Variants in SV2B observed in about 807,000 individuals in gnomAD.
The protein encoded by SV2B is solute carrier family 22 member B2.
A neutral mutation model predicts 73.9 loss-of-function variants in SV2B; 41 were observed. The ratio of observed to expected loss-of-function variants is 0.56; its 90% CI spans 0.43 to 0.72. SV2B has a LOEUF of 0.72. Ranked by LOEUF, SV2B falls within the 30% of genes least tolerant of loss-of-function variation. The pLI, the probability that SV2B is intolerant of heterozygous loss-of-function variation, is 0.00. For synonymous variants in SV2B, 314 were observed against 314.2 expected (o/e 1.00, Z 0.01); for missense variants, 764 against 857.8 (o/e 0.89, Z 1.37).
intron 2 of SV2B, among the ~76,000 whole-genome samples, chr15:91,246,684 T>C (rs1469541807): frequency 3.3e-5 from 5 of 151,792 alleles, no homozygotes; most frequent in African/African-American, 9.7e-5. Flanking sequence ...AAAAGTCTTT[T>C]CCACTCCACC....
intron 1 of SV2B, among the ~76,000 whole-genome samples, chr15:91,138,854 T>C (rs2042920587): frequency 6.6e-6 from 1 of 152,184 alleles, no homozygotes; most frequent in South Asian, 2.1e-4. Context: ...ACAAACTATC[T>C]GGTTTCATCC....
At chr15:91,188,834 A>C (rs961432272) in intron 1 of SV2B, among the ~76,000 whole-genome samples, 1 of 151,426 alleles carries the variant, frequency 6.6e-6, no homozygotes, top group East Asian at 1.9e-4. Context: ...TTATTAATTT[A>C]TTTATTTTTG....
Position 91,141,270 on chromosome 15 carries a change from G to C in SV2B, c.-392+40907G>C, listed in dbSNP as rs2042988353. 6.6e-6 allele frequency among the ~76,000 whole-genome samples: 1 copy of C among 152,220 alleles called. No individual in the cohort carries two copies. ...GCTTGAGTTGGGAACTGCCGATGCT[G>C]AGTTAGAGCTATTCTAGCAAGGGCG... On this transcript the variant is annotated intron_variant, in intron 1 of 12. Transcript: ENST00000394232. This position sits in a 1 kb window ranked among gnomAD's most constrained non-coding sequence, Gnocchi z 4.6.
At chr15:91,154,927 A>G (rs570793658) in intron 1 of SV2B, among the ~76,000 whole-genome samples, 1 of 152,316 alleles carries the variant, frequency 6.6e-6, no homozygotes, top group Admixed American at 6.5e-5. Context: ...GCCTGTGAGC[A>G]GGATGACTGA....
rs2041874978 is a variant in SV2B at position 91,106,094 on chromosome 15, A to G, written c.-392+5731A>G. On this transcript the variant is annotated intron_variant, in intron 1 of 12. Coordinates refer to ENST00000394232, the MANE Select transcript of SV2B (RefSeq NM_001323032.3). This position sits in a 1 kb window ranked among gnomAD's most constrained non-coding sequence, Gnocchi z 4.4. ...AAGATGGTGAGAAGTGGCTAAATTC[A>G]TAAAGCAGGCAGGATGTGTGGATGA... Among the ~76,000 whole-genome samples the G allele has an allele frequency of 1.3e-5, 2 of 152,200 alleles. No homozygotes were observed. The highest frequency in any genetic ancestry group is 1.9e-4 in the East Asian group (1 of 5,198).
At chr15:91,206,374 C>T (rs1269521345) in intron 1 of SV2B, among the ~76,000 whole-genome samples, 1 of 152,052 alleles carries the variant, frequency 6.6e-6, no homozygotes. Context: ...GGAAGCTCCC[C>T]CTTCCAGCAG....
chr15:91,298,935 C>T lies in SV2B; in HGVS notation c.*6383C>T, dbSNP rs1596829009. 6.6e-6 allele frequency: 1 copy of T among 152,246 alleles called. No homozygotes were observed. Among genetic ancestry groups the T allele is most frequent in the African/African-American group, 2.4e-5 (1 of 41,548 alleles). The allele number at this position is 152,246 out of a possible 1,614,324, so 9.4% of individuals were successfully genotyped here. ...TATAATCTCAGTAATTCAGATTTCT[C>T]TAAATCAGCATTAGTGATCATTTCA... is the stretch of plus-strand genomic sequence containing the variant. On this transcript the variant is annotated 3_prime_UTR_variant, in exon 13 of 13. Coordinates refer to ENST00000394232, the MANE Select transcript of SV2B (RefSeq NM_001323032.3). The surrounding 1 kb of genome is among the most constrained non-coding windows in gnomAD (Gnocchi z 5.4).
At position 91,129,973 on chromosome 15, in the gene SV2B, A is replaced by C. The variant is rs2042593003; in HGVS notation, c.-392+29610A>C. ...AGGCTCAGCAAAGGGAGGTGATATT[A>C]ACAACCATTCCAAGGAGATGGCCGT... On this transcript the variant is annotated intron_variant, in intron 1 of 12. Coordinates refer to ENST00000394232, the MANE Select transcript of SV2B (RefSeq NM_001323032.3). This position sits in a 1 kb window ranked among gnomAD's most constrained non-coding sequence, Gnocchi z 5.1. 6.6e-6 allele frequency among the ~76,000 whole-genome samples: 1 copy of C among 152,200 alleles called. No individual in the cohort carries two copies. Among genetic ancestry groups the C allele is most frequent in the Admixed American group, 6.5e-5 (1 of 15,280 alleles).
intron 1 of SV2B, among the ~76,000 whole-genome samples, chr15:91,168,142 T>C (rs968992106): frequency 2.0e-5 from 3 of 152,090 alleles, no homozygotes; most frequent in African/African-American, 7.2e-5. Flanking sequence ...ATTTAGAAGG[T>C]AGTTTTTGCC....
intron 1 of SV2B, among the ~76,000 whole-genome samples, chr15:91,158,633 C>CCTTTTCTCTTCTCTTCTCTT (rs767357230): frequency 0.012 from 640 of 54,394 alleles, 148 homozygotes; most frequent in Middle Eastern, 0.042. Flanking sequence ...TTTTATTTTC[C>CCTTTTCTCTTCTCTTCTCTT]CTCTTCTCTT....
chr15:91,129,997 G>A lies in SV2B; in HGVS notation c.-392+29634G>A, dbSNP rs913046326. 9.8e-5 allele frequency among the ~76,000 whole-genome samples: 15 copies of A among 152,308 alleles called. No individual in the cohort carries two copies. Among genetic ancestry groups the A allele is most frequent in the Non-Finnish European group, 2.1e-4 (14 of 68,026 alleles). The stretch of plus-strand genomic sequence containing the variant: ...TAACAACCATTCCAAGGAGATGGCC[G>A]TCAACGCTAGGGGTGGATAAATTGG... On this transcript the variant is annotated intron_variant, in intron 1 of 12. Transcript: ENST00000394232. The surrounding 1 kb of genome is among the most constrained non-coding windows in gnomAD (Gnocchi z 5.1).
In SV2B at chr15:91,284,167, G is replaced by A. The variant is rs528710169; in HGVS notation, c.1654G>A (p.Gly552Arg). The A allele has an allele frequency of 6.2e-7, 1 of 1,614,122 alleles. No individual in the cohort carries two copies. The highest frequency in any genetic ancestry group is 8.5e-7 in the Non-Finnish European group (1 of 1,180,020). ...CCTGGGCAGCCTGTCTGTCTTACCC[G>A]GGAACATCATTTCTGCCCTGCTCAT... ...SFLGSLSVLP[G>R]NIISALLMDR... Residue 552 changes from glycine (G) to arginine (R), a missense_variant, in exon 11 of 13, where the codon GGG becomes AGG. Coordinates refer to ENST00000394232, the MANE Select transcript of SV2B (RefSeq NM_001323032.3). This position sits in a 1 kb window ranked among gnomAD's most constrained non-coding sequence, Gnocchi z 4.5.
intron 1 of SV2B, among the ~76,000 whole-genome samples, chr15:91,163,069 C>CTTT (rs1490953788): frequency 6.6e-6 from 1 of 152,156 alleles, no homozygotes; most frequent in Non-Finnish European, 1.5e-5. Flanking sequence ...CAGCTTCATC[C>CTTT]GTGTCCCTAC....
chr15:91,107,060 G>A (rs2041902540), intron 1 of SV2B, among the ~76,000 whole-genome samples: 1 of 152,132 alleles, frequency 6.6e-6, no homozygotes, highest in African/African-American at 2.4e-5. Context: ...AGCAGGTACT[G>A]CTGTTGAAAG....
chr15:91,249,847 A>T (rs2047412190), intron 2 of SV2B, among the ~76,000 whole-genome samples: 1 of 152,224 alleles, frequency 6.6e-6, no homozygotes, highest in Admixed American at 6.5e-5. Flanking sequence ...ACCATTAATG[A>T]CTAAAGAGAT....
chr15:91,162,738 G>T (rs1285482780), intron 1 of SV2B, among the ~76,000 whole-genome samples: 1 of 152,168 alleles, frequency 6.6e-6, no homozygotes, highest in Non-Finnish European at 1.5e-5. Flanking sequence ...CTGTTTCATT[G>T]CTGGTTGTCA....
rs1202411211 is a variant in SV2B, at chr15:91,298,120, T to G, written c.*5568T>G. ...CAGTCCACCTGAACGTGCCTGGAAA[T>G]GTCTCCCGAAAAGGATGAAAAGCCT... On this transcript the variant is annotated 3_prime_UTR_variant, in exon 13 of 13. Coordinates refer to ENST00000394232, the MANE Select transcript of SV2B (RefSeq NM_001323032.3). The surrounding 1 kb of genome is among the most constrained non-coding windows in gnomAD (Gnocchi z 5.4). The G allele has an allele frequency of 6.6e-6, 1 of 152,202 alleles. No individual in the cohort carries two copies. Among genetic ancestry groups the G allele is most frequent in the African/African-American group, 2.4e-5 (1 of 41,442 alleles). The allele number at this position is 152,202 out of a possible 1,614,324, so 9.4% of individuals were successfully genotyped here.
rs1452478738 is a variant in SV2B, at chr15:91,234,203, C to T, written c.451+7489C>T. Among the ~76,000 whole-genome samples, 1 of 152,134 alleles carries T rather than the reference C, an allele frequency of 6.6e-6. No individual in the cohort carries two copies. The highest frequency in any genetic ancestry group is 2.4e-5 in the African/African-American group (1 of 41,418). Reference sequence around the variant, plus strand: ...GCCTAGGAATATTTGCATGTTAGAGCGGATTTTTCATTTCAGACTTACTCA... The same window carrying T: ...GCCTAGGAATATTTGCATGTTAGAGTGGATTTTTCATTTCAGACTTACTCA... On this transcript the variant is annotated intron_variant, in intron 2 of 12. Coordinates refer to ENST00000394232, the MANE Select transcript of SV2B (RefSeq NM_001323032.3). The surrounding 1 kb of genome is among the most constrained non-coding windows in gnomAD (Gnocchi z 5.6).
chr15:91,193,968 T>A lies in SV2B; in HGVS notation c.-391-31905T>A, dbSNP rs371297637. ...GTGGAAATTGCAAACCTGTTTCTGT[T>A]TGCTAGGTAATCACCAGGGTATAGA... On this transcript the variant is annotated intron_variant, in intron 1 of 12. Coordinates refer to ENST00000394232, the MANE Select transcript of SV2B (RefSeq NM_001323032.3). Among the ~76,000 whole-genome samples the A allele has an allele frequency of 7.9e-5, 12 of 152,274 alleles. No homozygotes were observed. In the East Asian group the frequency reaches 1.7e-3, roughly 22 times the overall value.
Sources: gnomAD v4.1 joint callset for allele counts (sites outside exome capture counted in the v4.1 genomes callset) on GRCh38, gnomAD v4.1.1 for gene constraint, Gnocchi (gnomAD v3.1) non-coding constraint, MANE v1.5 for transcripts, NCBI Gene and HGNC (gene_info 2026-07-23, HGNC 2026-07-21) for gene names.